ZNF503: variants seen among roughly 807,000 people sequenced by gnomAD.
ZNF503 encodes NocA-like zinc finger 2.
ZNF503 carries 15 observed loss-of-function variants against 34.4 expected under a neutral mutation model. The observed-to-expected ratio is 0.44, with a 90% CI of 0.29 to 0.67. The LOEUF is 0.67. ZNF503 is among the 30% of genes least tolerant of loss of function. The probability of loss-of-function intolerance (pLI) is 0.13; values close to 1 mark genes in which losing one functional copy is unlikely to be tolerated. For missense variants in ZNF503, 1,007 were observed against 926.8 expected, an observed-to-expected ratio of 1.09 and a Z score of -1.12; for synonymous variants, 580 against 456.8, an observed-to-expected ratio of 1.27 and a Z score of -3.44.
At chr10:75,325,716 A>G in the ZNF503 span, among the ~76,000 whole-genome samples, 1 of 152,182 alleles carries the variant, frequency 6.6e-6, no homozygotes. Context: ...GGGAATTGTC[A>G]TCTTAATATT....
chr10:75,352,623 G>C, the ZNF503 span, among the ~76,000 whole-genome samples: 1 of 152,192 alleles, frequency 6.6e-6, no homozygotes, highest in Non-Finnish European at 1.5e-5. Flanking sequence ...GAATGCAGGC[G>C]TATTATCTTA....
the ZNF503 span, among the ~76,000 whole-genome samples, chr10:75,363,778 A>G: frequency 6.6e-6 from 1 of 152,372 alleles, no homozygotes; most frequent in South Asian, 2.1e-4. Flanking sequence ...ACATATAAGC[A>G]CTGAGTATTG....
the ZNF503 span, among the ~76,000 whole-genome samples, chr10:75,334,824 TG>T: frequency 5.3e-5 from 8 of 152,212 alleles, no homozygotes; most frequent in African/African-American, 1.9e-4. Context: ...ATCCTTCAAC[TG>T]TTTGTGTGCA....
chr10:75,391,109 G>C, the ZNF503 span, among the ~76,000 whole-genome samples: 1 of 152,146 alleles, frequency 6.6e-6, no homozygotes, highest in African/African-American at 2.4e-5. Flanking sequence ...TTGGGGTGTA[G>C]AGCTTCAAAT....
rs1200383227 is a variant in ZNF503 at position 75,399,756 on chromosome 10, C to T, written c.934G>A (p.Gly312Ser). 1.3e-6 allele frequency: 2 copies of T among 1,592,976 alleles called. No individual in the cohort carries two copies. The highest frequency in any genetic ancestry group is 8.5e-7 in the Non-Finnish European group (1 of 1,174,076). ...PGGKALGSDC[G>S]GSSGSSSGSG... is the part of the protein sequence containing the mutation. ...CCGGAGCTGGAGCCCGATGAACCGC[C>T]GCAGTCCGAGCCCAGAGCCTTGCCT... The change falls in exon 2 of 2, where the codon GGC becomes AGC. Residue 312 changes from glycine to serine, a missense_variant. Physicochemically the swap from Gly to Ser is moderately conservative, Grantham distance 56. Transcript: ENST00000372524.
At chr10:75,296,440 G>A in the ZNF503 span, 1 of 152,264 alleles carries the variant, frequency 6.6e-6, no homozygotes, top group African/African-American at 2.4e-5. Context: ...TTGGATCCAT[G>A]CAGGTCTTGG....
At chr10:75,317,062 C>T in the ZNF503 span, among the ~76,000 whole-genome samples, 4 of 152,214 alleles carry the variant, frequency 2.6e-5, no homozygotes, top group African/African-American at 9.7e-5. Flanking sequence ...CCACCTCAGC[C>T]TCCCTAGTAG....
the ZNF503 span, among the ~76,000 whole-genome samples, chr10:75,286,958 G>A: frequency 6.6e-6 from 1 of 152,200 alleles, no homozygotes; most frequent in Non-Finnish European, 1.5e-5. Flanking sequence ...CCCACCACTG[G>A]GAGTGAGGTG....
At chr10:75,401,017 C>G (rs1429431553) in intron 1 of ZNF503, 88 bp downstream of exon 1, 2 of 1,569,190 alleles carry the variant, frequency 1.3e-6, no homozygotes, top group Non-Finnish European at 1.7e-6. Flanking sequence ...CCGACCCCCC[C>G]ACCTCCGCCC....
chr10:75,314,271 G>C, the ZNF503 span, among the ~76,000 whole-genome samples: 1 of 148,208 alleles, frequency 6.7e-6, no homozygotes, highest in Non-Finnish European at 1.5e-5. Flanking sequence ...AGCTCAGTGA[G>C]ATGCAAGAGA....
chr10:75,338,673 T>G, the ZNF503 span, among the ~76,000 whole-genome samples: 1 of 152,048 alleles, frequency 6.6e-6, no homozygotes, highest in Admixed American at 6.6e-5. Context: ...TCTGGGAAGG[T>G]GCCTGAGATC....
At position 75,399,291 on chromosome 10, in the gene ZNF503, G is replaced by C; in HGVS notation, c.1399C>G (p.Pro467Ala). The change falls in exon 2 of 2, where the codon CCG (proline) becomes GCG (alanine). Residue 467 changes from proline (P) to alanine (A), a missense_variant. Coordinates refer to ENST00000372524, the MANE Select transcript of ZNF503 (RefSeq NM_032772.6). Reference protein sequence around the residue: ...AAAAALKSGYPLVYPTHPLHG... With the variant: ...AAAAALKSGYALVYPTHPLHG... The stretch of plus-strand genomic sequence containing the variant: ...AGCGGGTGCGTGGGGTACACCAGCG[G>C]GTATCCGGACTTCAGCGCCGCAGCC... The C allele has an allele frequency of 6.2e-7, 1 of 1,601,920 alleles. No individual in the cohort carries two copies. Among genetic ancestry groups the C allele is most frequent in the Non-Finnish European group, 8.5e-7 (1 of 1,175,444 alleles).
At chr10:75,319,446 A>T in the ZNF503 span, among the ~76,000 whole-genome samples, 1 of 152,208 alleles carries the variant, frequency 6.6e-6, no homozygotes, top group Non-Finnish European at 1.5e-5. Flanking sequence ...GTAGCAAGTT[A>T]TGTATATATA....
the ZNF503 span, among the ~76,000 whole-genome samples, chr10:75,348,507 A>ATTTTTTTT: frequency 2.0e-5 from 2 of 99,360 alleles, no homozygotes; most frequent in Non-Finnish European, 3.8e-5. Flanking sequence ...CCCTATTACT[A>ATTTTTTTT]TTTTTTTTTT....
At chr10:75,293,004 C>T in the ZNF503 span, among the ~76,000 whole-genome samples, 5 of 152,192 alleles carry the variant, frequency 3.3e-5, no homozygotes, top group Non-Finnish European at 5.9e-5. Flanking sequence ...TTCAGATGTT[C>T]AAGGAAGAGA....
At chr10:75,393,141 C>A (rs964471936), downstream of ZNF503, among the ~76,000 whole-genome samples, 2 of 152,222 alleles carry the variant, frequency 1.3e-5, no homozygotes, top group Non-Finnish European at 2.9e-5. Context: ...AGCCCAGATA[C>A]CCCCTGGGCT....
In ZNF503 at chr10:75,399,455, G is replaced by T. The variant is rs1013304672; in HGVS notation, c.1235C>A (p.Pro412His). 1 of 1,589,540 alleles carries T rather than the reference G, an allele frequency of 6.3e-7. No homozygotes were observed. ...LGCSKPAGSS[P>H]LAGASPPSVM... ...GGACGGCGGAGACGCTCCGGCCAAAGGGCTGGAGCCGGCCGGCTTACTGCA... is the reference window on the plus strand; with the variant it reads ...GGACGGCGGAGACGCTCCGGCCAAATGGCTGGAGCCGGCCGGCTTACTGCA... The change falls in exon 2 of 2, where the codon CCT becomes CAT. Residue 412 changes from proline to histidine, a missense_variant. Physicochemically the swap from Pro to His is moderately conservative, Grantham distance 77. Coordinates refer to ENST00000372524, the MANE Select transcript of ZNF503 (RefSeq NM_032772.6).
the ZNF503 span, among the ~76,000 whole-genome samples, chr10:75,341,346 A>G: frequency 6.6e-6 from 1 of 152,242 alleles, no homozygotes; most frequent in Admixed American, 6.5e-5. Context: ...CCTTGAAAAA[A>G]TAGTATGCAC....
chr10:75,304,737 C>G, the ZNF503 span, among the ~76,000 whole-genome samples: 4 of 152,070 alleles, frequency 2.6e-5, no homozygotes, highest in African/African-American at 9.7e-5. Flanking sequence ...AGCAAAAATA[C>G]TATTTTGAAT....
Sources: allele counts gnomAD v4.1 joint callset (sites outside exome capture counted in the v4.1 genomes callset), GRCh38; gene constraint gnomAD v4.1.1; transcripts MANE v1.5; gene names NCBI Gene and HGNC (gene_info 2026-07-23, HGNC 2026-07-21).